Variants in HOXB3 observed in about 807,000 individuals in gnomAD.
The protein encoded by HOXB3 is homeobox protein Hox-B3.
Under a neutral mutation model 29.2 loss-of-function variants are expected in HOXB3, and 17 were observed. The ratio of observed to expected loss-of-function variants is 0.58; its 90% CI spans 0.40 to 0.87. The LOEUF (loss-of-function observed/expected upper bound fraction) is 0.87. Among genes scored for constraint, HOXB3 ranks in the 40% least tolerant of loss-of-function variants. The probability of loss-of-function intolerance (pLI) is 0.00; values close to 1 mark genes in which losing one functional copy is unlikely to be tolerated. For missense variants in HOXB3, 637 were observed against 616.3 expected, an observed-to-expected ratio of 1.03 and a Z score of -0.35; for synonymous variants, 317 against 285.9, an observed-to-expected ratio of 1.11 and a Z score of -1.10.
rs1243681889 is a variant in HOXB3, at chr17:48,550,761, G to A, written c.869C>T (p.Ser290Phe). Residue 290 changes from serine (S) to phenylalanine (F), a missense_variant, in exon 5 of 5, where the codon TCC becomes TTC. Ser to Phe is a radical substitution (Grantham distance 155). Transcript: ENST00000498678. ...HSMTPSYESP[S>F]PPAFGKAHQN... ...GTGGGCTTTACCGAAGGCGGGTGGG[G>A]ACGGGCTCTCGTAGCTGGGGGTCAT... 3.1e-6 allele frequency: 5 copies of A among 1,599,536 alleles called. No individual in the cohort carries two copies. In the South Asian group the frequency reaches 5.6e-5, roughly 18 times the overall value.
intron 2 of HOXB3, among the ~76,000 whole-genome samples, chr17:48,563,352 A>T (rs942176947): frequency 1.3e-5 from 2 of 152,182 alleles, no homozygotes; most frequent in Admixed American, 1.3e-4. Context: ...ACCAGAGAAC[A>T]TGGGGTCTCT....
rs2144761448 is a variant in HOXB3 at position 48,554,964 on chromosome 17, G to C, written c.-159+567C>G. 1 of 570,156 alleles carries C rather than the reference G, an allele frequency of 1.8e-6. No individual in the cohort carries two copies. Among genetic ancestry groups the C allele is most frequent in the South Asian group, 1.9e-5 (1 of 53,388 alleles). The allele number at this position is 570,156 out of a possible 1,614,324, so 35.3% of individuals were successfully genotyped here. Reference sequence around the variant, plus strand: ...ACAGATCTATTTCCCTTGCCTCCATGTTGGAAAAATTCAGGTTCCATATGG... The same window carrying C: ...ACAGATCTATTTCCCTTGCCTCCATCTTGGAAAAATTCAGGTTCCATATGG... On this transcript the variant is annotated intron_variant, in intron 3 of 4. Transcript: ENST00000498678. The surrounding 1 kb of genome is among the most constrained non-coding windows in gnomAD (Gnocchi z 4.1).
rs1481594498 is a variant in HOXB3, at chr17:48,550,274, C to T, written c.*60G>A. 5.0e-6 allele frequency: 8 copies of T among 1,606,870 alleles called. No homozygotes were observed. Among genetic ancestry groups the T allele is most frequent in the Non-Finnish European group, 6.8e-6 (8 of 1,177,740 alleles). ...TCTTTTCAGACCTCCAGGTTGCCCCCCAGAGCTCCACAGTCTCTCTCTTCC... is the reference window on the plus strand; with the variant it reads ...TCTTTTCAGACCTCCAGGTTGCCCCTCAGAGCTCCACAGTCTCTCTCTTCC... On this transcript the variant is annotated 3_prime_UTR_variant, in exon 5 of 5. Coordinates refer to ENST00000498678, the MANE Select transcript of HOXB3 (RefSeq NM_001384749.1).
chr17:48,551,556 C>T (rs1286629165), intron 4 of HOXB3, among the ~76,000 whole-genome samples: 6 of 152,236 alleles, frequency 3.9e-5, no homozygotes, highest in African/African-American at 1.4e-4. Context: ...CCGCCCACCC[C>T]GTCCTGAGGA....
intron 2 of HOXB3, among the ~76,000 whole-genome samples, chr17:48,563,268 G>T (rs1201121050): frequency 6.6e-6 from 1 of 152,198 alleles, no homozygotes; most frequent in African/African-American, 2.4e-5. Context: ...GAAGAAAAAA[G>T]CAGGAAAGAG....
intron 2 of HOXB3, among the ~76,000 whole-genome samples, chr17:48,562,690 T>G (rs1251723189): frequency 6.6e-6 from 1 of 152,192 alleles, no homozygotes; most frequent in Admixed American, 6.5e-5. Context: ...GCCCAGCCGC[T>G]TCCTCTCAGA....
intron 2 of HOXB3, among the ~76,000 whole-genome samples, chr17:48,561,183 A>ACAC (rs2069180332): frequency 2.2e-4 from 28 of 125,490 alleles, no homozygotes; most frequent in Non-Finnish European, 3.7e-4. Flanking sequence ...TCCGTCTCAA[A>ACAC]ACACACACAC....
At chr17:48,578,430 C>A in intron 1 of HOXB3, 1 of 1,383,676 alleles carries the variant, frequency 7.2e-7, no homozygotes, top group Non-Finnish European at 9.5e-7. Context: ...AAGTTAGGCG[C>A]CCACGTGATC....
At chr17:48,559,157 T>C (rs529690807) in intron 2 of HOXB3, among the ~76,000 whole-genome samples, 1 of 151,934 alleles carries the variant, frequency 6.6e-6, no homozygotes, top group Non-Finnish European at 1.5e-5. Flanking sequence ...CCCCACTGGG[T>C]ACCCAGTATC....
intron 1 of HOXB3, chr17:48,575,933 G>A (rs996774000): frequency 1.5e-4 from 23 of 152,284 alleles, no homozygotes; most frequent in African/African-American, 5.1e-4. Context: ...AGGCCCTCCC[G>A]GGTCTCTGAG....
chr17:48,580,126 T>C (rs2069896953), intron 1 of HOXB3: 1 of 319,348 alleles, frequency 3.1e-6, no homozygotes, highest in Non-Finnish European at 6.2e-6. Context: ...TCTATTAGAA[T>C]TTCAAGTAGC....
At chr17:48,555,275 AAGAAAAGAGAGAGAGG>A (rs2068918531) in intron 3 of HOXB3, 1 of 539,924 alleles carries the variant, frequency 1.9e-6, no homozygotes. Flanking sequence ...TGGCTGCTGA[AAGAAAAGAGAGAGAGG>A]AGAAAAGAGG....
At chr17:48,589,565 G>A (rs562244743) in intron 1 of HOXB3, among the ~76,000 whole-genome samples, 7 of 151,986 alleles carry the variant, frequency 4.6e-5, no homozygotes, top group African/African-American at 7.2e-5. Context: ...AAAGATAACC[G>A]GAGGGACCTC....
chr17:48,554,267 T>G lies in HOXB3; in HGVS notation c.-159+1264A>C. ...GTTATTAATAGAGAAGAGAATGAAA[T>G]AAAAACGTTGGAGGGGGTTGGCTGG... On this transcript the variant is annotated intron_variant, in intron 3 of 4. Transcript: ENST00000498678. The surrounding 1 kb of genome is among the most constrained non-coding windows in gnomAD (Gnocchi z 4.1). 2 of 229,644 alleles carry G rather than the reference T, an allele frequency of 8.7e-6. No individual in the cohort carries two copies. Among genetic ancestry groups the G allele is most frequent in the South Asian group, 7.0e-5 (1 of 14,234 alleles). The allele number at this position is 229,644 out of a possible 1,614,324, so 14.2% of individuals were successfully genotyped here.
chr17:48,578,007 C>T, intron 1 of HOXB3: 16 of 1,160,940 alleles, frequency 1.4e-5, no homozygotes, highest in Non-Finnish European at 1.6e-5. Context: ...TGGCCGGGCT[C>T]CGGGAGGAGG....
chr17:48,558,598 T>A (rs2069083235), intron 2 of HOXB3, among the ~76,000 whole-genome samples: 1 of 152,076 alleles, frequency 6.6e-6, no homozygotes, highest in South Asian at 2.1e-4. Context: ...TGATTAGGGC[T>A]GGGAGGCTGG....
rs1022565080 is a variant in HOXB3, at chr17:48,550,279, G to A, written c.*55C>T. ...TCAGACCTCCAGGTTGCCCCCCAGA[G>A]CTCCACAGTCTCTCTCTTCCTCCCC... On this transcript the variant is annotated 3_prime_UTR_variant, in exon 5 of 5. Coordinates refer to ENST00000498678, the MANE Select transcript of HOXB3 (RefSeq NM_001384749.1). 6.2e-7 allele frequency: 1 copy of A among 1,609,178 alleles called. No homozygotes were observed. The highest frequency in any genetic ancestry group is 1.1e-5 in the South Asian group (1 of 90,446).
chr17:48,578,641 G>A, intron 1 of HOXB3: 1 of 319,622 alleles, frequency 3.1e-6, no homozygotes, highest in Non-Finnish European at 5.8e-6. Flanking sequence ...GAGAGAGCGA[G>A]AGAGAGAGCG....
At chr17:48,574,327 C>G (rs775639947) in intron 1 of HOXB3, 1 of 160,740 alleles carries the variant, frequency 6.2e-6, no homozygotes, top group Non-Finnish European at 1.4e-5. Context: ...AAGCTCGCCC[C>G]TCTCATCCTC....
Sources: gnomAD v4.1 joint callset for allele counts (sites outside exome capture counted in the v4.1 genomes callset) on GRCh38, gnomAD v4.1.1 for gene constraint, Gnocchi (gnomAD v3.1) non-coding constraint, MANE v1.5 for transcripts, NCBI Gene and HGNC (gene_info 2026-07-23, HGNC 2026-07-21) for gene names.